The following FBXL17 variants were observed in gnomAD, a reference collection of about 807,000 sequenced individuals.
FBXL17 encodes F-box/LRR-repeat protein 17.
A neutral mutation model predicts 66.2 loss-of-function variants in FBXL17; 22 were observed. The observed-to-expected ratio is 0.33, with a 90% CI of 0.24 to 0.47. FBXL17 has a LOEUF of 0.47. FBXL17 is among the 20% of genes least tolerant of loss of function. The probability of loss-of-function intolerance (pLI) is 1.00; values close to 1 mark genes in which losing one functional copy is unlikely to be tolerated. For synonymous variants in FBXL17, 474 were observed against 400.5 expected, an observed-to-expected ratio of 1.18 and a Z score of -2.19; for missense variants, 878 against 948.2, an observed-to-expected ratio of 0.93 and a Z score of 0.97.
chr5:107,925,954 A>G lies in FBXL17; in HGVS notation c.1823-44775T>C, dbSNP rs551664627. Among the ~76,000 whole-genome samples the G allele has an allele frequency of 2.6e-5, 4 of 152,322 alleles. No homozygotes were observed. The South Asian group carries it at 6.2e-4, about 24-fold the overall frequency. On this transcript the variant is annotated intron_variant, in intron 7 of 8. Coordinates refer to ENST00000542267, the MANE Select transcript of FBXL17 (RefSeq NM_001163315.3). ...TGCATTTCTTGTAACACCTAATGCAATGTTTTTGCACATAAATTGTGGCAT... is the reference window on the plus strand; with the variant it reads ...TGCATTTCTTGTAACACCTAATGCAGTGTTTTTGCACATAAATTGTGGCAT...
In FBXL17 at chr5:108,048,499, A is replaced by G. The variant is rs187489254; in HGVS notation, c.1746-27498T>C. 9.8e-5 allele frequency among the ~76,000 whole-genome samples: 15 copies of G among 152,328 alleles called. No homozygotes were observed. In the East Asian group the frequency reaches 2.9e-3, roughly 29 times the overall value. On this transcript the variant is annotated intron_variant, in intron 6 of 8. Coordinates refer to ENST00000542267, the MANE Select transcript of FBXL17 (RefSeq NM_001163315.3). ...GTAGGCTTCAGAAGATGGGTAATAA[A>G]AAACTCTGCTGAGCTAAAGGAGCAT...
chr5:108,069,623 G>C (rs1287442040), intron 6 of FBXL17, among the ~76,000 whole-genome samples: 1 of 152,170 alleles, frequency 6.6e-6, no homozygotes, highest in Non-Finnish European at 1.5e-5. Context: ...GGAAACCACA[G>C]AGGTAAACTT....
intron 6 of FBXL17, among the ~76,000 whole-genome samples, chr5:108,054,134 A>T (rs922431533): frequency 1.3e-5 from 2 of 151,972 alleles, no homozygotes; most frequent in Non-Finnish European, 2.9e-5. Context: ...GAGGGGAGGG[A>T]ACTTAGAGGA....
intron 7 of FBXL17, among the ~76,000 whole-genome samples, chr5:107,915,426 C>T (rs1464140640): frequency 2.0e-5 from 3 of 152,126 alleles, no homozygotes; most frequent in Admixed American, 2.0e-4. Context: ...TTCATAAGAA[C>T]GTTTTCCCAG....
intron 7 of FBXL17, among the ~76,000 whole-genome samples, chr5:107,986,605 C>A (rs1753020985): frequency 6.6e-6 from 1 of 151,622 alleles, no homozygotes; most frequent in Non-Finnish European, 1.5e-5. Context: ...TTTAAAAAGA[C>A]CTAAATCACA....
intron 5 of FBXL17, among the ~76,000 whole-genome samples, chr5:108,222,742 C>T (rs1053314075): frequency 1.1e-4 from 16 of 142,476 alleles, no homozygotes; most frequent in Non-Finnish European, 1.8e-4. Context: ...GGCGCAATCT[C>T]GGCTCACTGC....
chr5:108,057,133 T>C (rs1580382689), intron 6 of FBXL17, among the ~76,000 whole-genome samples: 1 of 152,246 alleles, frequency 6.6e-6, no homozygotes, highest in African/African-American at 2.4e-5. Context: ...AAATGAAAAA[T>C]TTAAGTAAAA....
intron 4 of FBXL17, among the ~76,000 whole-genome samples, chr5:108,291,631 A>C (rs558399936): frequency 4.6e-5 from 7 of 152,286 alleles, no homozygotes; most frequent in African/African-American, 1.7e-4. Flanking sequence ...CTAACTTCCA[A>C]ATTACCATGA....
At chr5:108,146,553 T>C (rs1259220143) in intron 6 of FBXL17, among the ~76,000 whole-genome samples, 1 of 152,228 alleles carries the variant, frequency 6.6e-6, no homozygotes, top group African/African-American at 2.4e-5. Flanking sequence ...CAAATCTTTC[T>C]TTGAGTTTTA....
intron 1 of FBXL17, among the ~76,000 whole-genome samples, chr5:108,376,376 C>T (rs1749423243): frequency 6.6e-6 from 1 of 152,084 alleles, no homozygotes; most frequent in Admixed American, 6.6e-5. Flanking sequence ...TAGAGAAAAT[C>T]CCAGAGAATA....
At chr5:107,936,907 C>CT (rs1244761631) in intron 7 of FBXL17, among the ~76,000 whole-genome samples, 1 of 152,010 alleles carries the variant, frequency 6.6e-6, no homozygotes, top group South Asian at 2.1e-4. Context: ...GTCTTTCACA[C>CT]TTTTTTTAAG....
At chr5:108,373,008 C>A (rs1415605550) in intron 1 of FBXL17, among the ~76,000 whole-genome samples, 1 of 151,740 alleles carries the variant, frequency 6.6e-6, no homozygotes, top group Non-Finnish European at 1.5e-5. Context: ...GTGACAATAA[C>A]AACAAATACA....
chr5:108,101,568 A>G (rs1313495547), intron 6 of FBXL17, among the ~76,000 whole-genome samples: 2 of 152,234 alleles, frequency 1.3e-5, no homozygotes, highest in Non-Finnish European at 2.9e-5. Context: ...TCATTTAGAA[A>G]ATGGCTTTTG....
chr5:108,021,069 AG>A, intron 6 of FBXL17, 68 bp from the exon 7 acceptor site: 1 of 1,124,948 alleles, frequency 8.9e-7, no homozygotes. Context: ...TGAATATAAT[AG>A]GAAGAGGTCA....
At chr5:108,203,824 G>T (rs1753999231) in intron 5 of FBXL17, among the ~76,000 whole-genome samples, 1 of 152,126 alleles carries the variant, frequency 6.6e-6, no homozygotes, top group Non-Finnish European at 1.5e-5. Context: ...ACAAAAAAAG[G>T]AGGATGAAAA....
At chr5:108,078,780 C>A (rs1275016380) in intron 6 of FBXL17, among the ~76,000 whole-genome samples, 1 of 152,192 alleles carries the variant, frequency 6.6e-6, no homozygotes, top group Non-Finnish European at 1.5e-5. Context: ...CTCTGAGCCT[C>A]CATTCTTTCT....
At chr5:107,937,740 G>A (rs1232462296) in intron 7 of FBXL17, among the ~76,000 whole-genome samples, 1 of 152,120 alleles carries the variant, frequency 6.6e-6, no homozygotes, top group Non-Finnish European at 1.5e-5. Context: ...ATTACAGCAT[G>A]AGATCACGTA....
chr5:108,045,464 C>T (rs201391866), intron 6 of FBXL17, among the ~76,000 whole-genome samples: 17 of 151,430 alleles, frequency 1.1e-4, no homozygotes, highest in Admixed American at 8.5e-4. Context: ...ATAATAATAA[C>T]AATAATAATT....
intron 4 of FBXL17, among the ~76,000 whole-genome samples, chr5:108,228,680 AAGGGTTGAAAT>A (rs1484652971): frequency 2.1e-4 from 32 of 152,282 alleles, no homozygotes; most frequent in Middle Eastern, 3.4e-3. Context: ...GCCAGGACTA[AAGGGTTGAAAT>A]GCATAAGAGA....
Sources: allele counts gnomAD v4.1 joint callset (sites outside exome capture counted in the v4.1 genomes callset), GRCh38; gene constraint gnomAD v4.1.1; transcripts MANE v1.5; gene names NCBI Gene and HGNC (gene_info 2026-07-23, HGNC 2026-07-21).